Variants in RIOX2 observed in about 807,000 individuals in gnomAD.
RIOX2 encodes ribosomal oxygenase 2, also known as 60S ribosomal protein L27a histidine hydroxylase.
RIOX2 carries 43 observed loss-of-function variants against 51.2 expected under a neutral mutation model. That is an observed-to-expected ratio of 0.84 (90% CI 0.66 to 1.08). The LOEUF (loss-of-function observed/expected upper bound fraction) is 1.08. RIOX2 is among the 50% of genes least tolerant of loss of function. RIOX2 has a pLI of 0.00. For synonymous variants in RIOX2, 226 were observed against 218.5 expected (o/e 1.03, Z -0.30); for missense variants, 566 against 561.7 (o/e 1.01, Z -0.08).
chr3:97,964,020 C>T (rs1705780351), intron 2 of RIOX2, among the ~76,000 whole-genome samples: 2 of 152,144 alleles, frequency 1.3e-5, no homozygotes, highest in Admixed American at 1.3e-4. Context: ...TATTGCTTTA[C>T]TAACATTGAC....
At position 97,945,049 on chromosome 3, in the gene RIOX2, G is replaced by GT; in HGVS notation, c.*134dup. The GT allele has an allele frequency of 1.4e-6, 1 of 708,486 alleles. No individual in the cohort carries two copies. Among genetic ancestry groups the GT allele is most frequent in the Non-Finnish European group, 2.2e-6 (1 of 454,796 alleles). The allele number at this position is 708,486 out of a possible 1,614,324, so 43.9% of individuals were successfully genotyped here. A position where few individuals can be genotyped will look rare whatever the true frequency, so the allele number is the denominator to read the frequency against. ...AGTACATTTGGCCAACTGACCACCT[G>GT]TAACAGGGAGGTCTCATGTTTGTTA... On this transcript the variant is annotated 3_prime_UTR_variant, in exon 10 of 10. Transcript: ENST00000394198.
In RIOX2 at chr3:97,942,594, C is replaced by G; in HGVS notation, c.*2590G>C. ...AAGAAAATTAAGATAGGCAGTTTTA[C>G]AAACAAAACAATTAGCAGAAAAAGC... is the stretch of plus-strand genomic sequence containing the variant. On this transcript the variant is annotated 3_prime_UTR_variant, in exon 10 of 10. Coordinates refer to ENST00000394198, the MANE Select transcript of RIOX2 (RefSeq NM_153182.4). 3 of 700,194 alleles carry G rather than the reference C, an allele frequency of 4.3e-6. No individual in the cohort carries two copies. 43.4% of individuals were successfully genotyped at this position (700,194 alleles called of 1,614,324 possible).
intron 1 of RIOX2, among the ~76,000 whole-genome samples, chr3:97,969,020 A>G (rs564272605): frequency 6.6e-6 from 1 of 152,218 alleles, no homozygotes; most frequent in African/African-American, 2.4e-5. Flanking sequence ...ATACTGTGTG[A>G]CGTGTTGCAA....
intron 5 of RIOX2, chr3:97,952,247 G>T: frequency 7.8e-7 from 1 of 1,289,298 alleles, no homozygotes; most frequent in African/African-American, 1.5e-5. Flanking sequence ...TCTAGCTCCA[G>T]CATCACTGTC....
chr3:97,943,451 C>A lies in RIOX2; in HGVS notation c.*1733G>T, dbSNP rs1575985433. On this transcript the variant is annotated 3_prime_UTR_variant, in exon 10 of 10. Transcript: ENST00000394198. ...GAGCAGAATGAACATTTTCTCCAGC[C>A]TCTGAGACTATCGCTCTTAACCATG... 1.6e-6 allele frequency: 1 copy of A among 629,734 alleles called. No individual in the cohort carries two copies. The highest frequency in any genetic ancestry group is 3.0e-5 in the East Asian group (1 of 32,998). 39.0% of individuals were successfully genotyped at this position (629,734 alleles called of 1,614,324 possible).
Position 97,943,051 on chromosome 3 carries a change from A to G in RIOX2, c.*2133T>C, listed in dbSNP as rs1449899633. The stretch of plus-strand genomic sequence containing the variant: ...TCAATTTGAGTCATAATAAGGTCCA[A>G]TTTGAGGTGAATAATGGCTAAGCCT... On this transcript the variant is annotated 3_prime_UTR_variant, in exon 10 of 10. Transcript: ENST00000394198. The G allele has an allele frequency of 8.7e-6, 5 of 574,026 alleles. No homozygotes were observed. The highest frequency in any genetic ancestry group is 1.9e-5 in the African/African-American group (1 of 51,878). 35.6% of individuals were successfully genotyped at this position (574,026 alleles called of 1,614,324 possible). A position where few individuals can be genotyped will look rare whatever the true frequency, so the allele number is the denominator to read the frequency against.
In RIOX2 at chr3:97,943,583, C is replaced by T. The variant is rs1263814413; in HGVS notation, c.*1601G>A. ...ATCTCCAGCTGTGGTGAGCAAGTTT[C>T]CTGAAGTGTTTATTTTCTCTCATAT... On this transcript the variant is annotated 3_prime_UTR_variant, in exon 10 of 10. Transcript: ENST00000394198. 2 of 384,946 alleles carry T rather than the reference C, an allele frequency of 5.2e-6. No homozygotes were observed. The highest frequency in any genetic ancestry group is 6.1e-5 in the East Asian group (1 of 16,410). 23.8% of individuals were successfully genotyped at this position (384,946 alleles called of 1,614,324 possible).
At chr3:97,962,494 C>T (rs947644086) in intron 2 of RIOX2, among the ~76,000 whole-genome samples, 3 of 151,022 alleles carry the variant, frequency 2.0e-5, no homozygotes, top group Admixed American at 6.7e-5. Flanking sequence ...AATGATAACA[C>T]GGGAAGAAGG....
rs953635442 is a variant in RIOX2, at chr3:97,943,745, G to A, written c.*1439C>T. ...AAAGAAACAGATTTCTATAGGTCAA[G>A]TCATACTTTTGCAAACAGATGAGTA... On this transcript the variant is annotated 3_prime_UTR_variant, in exon 10 of 10. Transcript: ENST00000394198. The A allele has an allele frequency of 7.0e-6, 1 of 143,166 alleles. No homozygotes were observed. Among genetic ancestry groups the A allele is most frequent in the Non-Finnish European group, 1.5e-5 (1 of 65,794 alleles). 8.9% of individuals were successfully genotyped at this position (143,166 alleles called of 1,614,324 possible).
Position 97,959,059 on chromosome 3 carries a change from TA to T in RIOX2, c.672del (p.Phe224LeufsTer3). 6.2e-7 allele frequency: 1 copy of T among 1,612,536 alleles called. No individual in the cohort carries two copies. The highest frequency in any genetic ancestry group is 1.1e-5 in the South Asian group (1 of 90,808). On this transcript the variant is annotated frameshift_variant, in exon 4 of 10. Coordinates refer to ENST00000394198, the MANE Select transcript of RIOX2 (RefSeq NM_153182.4). LOFTEE classifies it high-confidence loss of function. The stretch of plus-strand genomic sequence containing the variant: ...CAACGGTTATCACATACCTTCAGCA[TA>T]AACTCATGCACCGGCCTGCCGATCC... The part of the protein sequence containing the change: ...EERIGRPVHE[F>X]MLKPGDLLYF...
At chr3:97,963,200 T>A (rs1021923985) in intron 2 of RIOX2, among the ~76,000 whole-genome samples, 3 of 152,236 alleles carry the variant, frequency 2.0e-5, no homozygotes, top group African/African-American at 7.2e-5. Context: ...CACAGTTCAC[T>A]GCAGCCTCGA....
At chr3:97,953,940 A>T (rs550419048) in intron 5 of RIOX2, 1 of 159,278 alleles carries the variant, frequency 6.3e-6, no homozygotes, top group South Asian at 1.8e-4. Context: ...TGGAATAAAC[A>T]TGTTTTAGAA....
chr3:97,960,366 A>T (rs1357069122), intron 3 of RIOX2, among the ~76,000 whole-genome samples: 1 of 152,188 alleles, frequency 6.6e-6, no homozygotes, highest in Non-Finnish European at 1.5e-5. Flanking sequence ...CTTTCTTATA[A>T]TTTTAATAAC....
Position 97,961,710 on chromosome 3 carries a change from T to C in RIOX2, c.433-2A>G. The C allele has an allele frequency of 6.3e-7, 1 of 1,582,238 alleles. No homozygotes were observed. Among genetic ancestry groups the C allele is most frequent in the East Asian group, 2.3e-5 (1 of 44,402 alleles). ...CTCCTGGATCCTCCAAAGCTCATCC[T>C]TTACAAAAAAGGAAAAAAGAAAGGG... On this transcript the variant is annotated splice_acceptor_variant, in intron 2 of 9. Transcript: ENST00000394198. LOFTEE classifies it high-confidence loss of function.
At position 97,942,934 on chromosome 3, in the gene RIOX2, A is replaced by G; in HGVS notation, c.*2250T>C. ...TAGAAACAAAAACACAGTACCTGAC[A>G]TTCAGCCAGAGTTCTCTCAAGAGCA... On this transcript the variant is annotated 3_prime_UTR_variant, in exon 10 of 10. Coordinates refer to ENST00000394198, the MANE Select transcript of RIOX2 (RefSeq NM_153182.4). 1 of 326,146 alleles carries G rather than the reference A, an allele frequency of 3.1e-6. No homozygotes were observed. The highest frequency in any genetic ancestry group is 5.5e-6 in the Non-Finnish European group (1 of 182,208). The allele number at this position is 326,146 out of a possible 1,614,324, so 20.2% of individuals were successfully genotyped here.
At chr3:97,971,064 C>G (rs1426570286) in intron 1 of RIOX2, among the ~76,000 whole-genome samples, 1 of 152,144 alleles carries the variant, frequency 6.6e-6, no homozygotes, top group Non-Finnish European at 1.5e-5. Context: ...AAAACAGTTA[C>G]GGAAAAAACA....
chr3:97,967,110 A>C, intron 2 of RIOX2, 52 bp downstream of exon 2: 1 of 1,564,804 alleles, frequency 6.4e-7, no homozygotes, highest in Non-Finnish European at 8.7e-7. Context: ...TATGTGGCCA[A>C]ATGTTAGTAC....
At chr3:97,967,138 T>G in intron 2 of RIOX2, 24 bp downstream of exon 2, 1 of 1,599,998 alleles carries the variant, frequency 6.3e-7, no homozygotes, top group Non-Finnish European at 8.5e-7. Flanking sequence ...TGTATGAGGA[T>G]TCTGCAATGG....
chr3:97,967,773 T>A, intron 1 of RIOX2, 141 bp from the exon 2 acceptor site: 1 of 599,974 alleles, frequency 1.7e-6, no homozygotes, highest in Non-Finnish European at 2.8e-6. Context: ...TCCCCCAGGA[T>A]AGGAGACAGC....
Sources: gnomAD v4.1 joint callset for allele counts (sites outside exome capture counted in the v4.1 genomes callset) on GRCh38, gnomAD v4.1.1 for gene constraint, MANE v1.5 for transcripts, NCBI Gene and HGNC (gene_info 2026-07-23, HGNC 2026-07-21) for gene names.